The following SMIM35 variants were observed in gnomAD, a reference collection of about 807,000 sequenced individuals.
SMIM35 encodes small integral membrane protein 35.
chr11:118,034,633 G>A (rs559311082), intron 1 of SMIM35, among the ~76,000 whole-genome samples: 2 of 152,338 alleles, frequency 1.3e-5, no homozygotes, highest in African/African-American at 4.8e-5. Flanking sequence ...TCGCCTGGGA[G>A]GCAGAGGTTG....
chr11:118,014,319 A>AGGAAG (rs1014526731), intron 3 of SMIM35, among the ~76,000 whole-genome samples: 3 of 152,212 alleles, frequency 2.0e-5, no homozygotes, highest in African/African-American at 7.2e-5. Flanking sequence ...GAAGGAAGGA[A>AGGAAG]GGAAGGGAAG....
At chr11:118,033,137 T>G (rs2058331707) in intron 1 of SMIM35, among the ~76,000 whole-genome samples, 1 of 152,152 alleles carries the variant, frequency 6.6e-6, no homozygotes, top group Non-Finnish European at 1.5e-5. Flanking sequence ...TAGCAGAAAG[T>G]CTTTACCTGG....
chr11:118,029,110 A>G, intron 1 of SMIM35: 1 of 271,064 alleles, frequency 3.7e-6, no homozygotes, highest in South Asian at 3.8e-5. Flanking sequence ...CTTGAAGTAT[A>G]GCATAAATAA....
At chr11:118,017,954 G>C (rs1055257686) in intron 1 of SMIM35, among the ~76,000 whole-genome samples, 1 of 152,136 alleles carries the variant, frequency 6.6e-6, no homozygotes, top group African/African-American at 2.4e-5. Flanking sequence ...CTCCCACCAG[G>C]TCCTTCCCAC....
intron 1 of SMIM35, among the ~76,000 whole-genome samples, chr11:118,075,639 T>TTGC (rs973683650): frequency 1.3e-5 from 2 of 151,748 alleles, no homozygotes; most frequent in Non-Finnish European, 2.9e-5. Context: ...GGGGTTGTTG[T>TTGC]TGGAGAATTA....
chr11:118,015,586 T>TG (rs34573177), intron 2 of SMIM35, 107 bp downstream of exon 2: 39,996 of 398,326 alleles, frequency 0.1, 3,821 homozygotes, highest in East Asian at 0.42. Flanking sequence ...GAAATATTTT[T>TG]CATCCCACCA....
chr11:118,053,354 A>ACACACACAC (rs59308703), intron 1 of SMIM35, among the ~76,000 whole-genome samples: 2 of 141,064 alleles, frequency 1.4e-5, no homozygotes, highest in African/African-American at 5.2e-5. Context: ...ACACACACAC[A>ACACACACAC]AAGCTTACTA....
chr11:118,016,307 G>T (rs1487680748), intron 1 of SMIM35, among the ~76,000 whole-genome samples: 2 of 152,150 alleles, frequency 1.3e-5, no homozygotes, highest in African/African-American at 4.8e-5. Flanking sequence ...CCTTTTTGTG[G>T]TATGAGCTCT....
chr11:118,041,869 G>A (rs1944006527), intron 1 of SMIM35, among the ~76,000 whole-genome samples: 1 of 151,864 alleles, frequency 6.6e-6, no homozygotes, highest in African/African-American at 2.4e-5. Flanking sequence ...TGGCCAACAT[G>A]GTGAAACCCT....
chr11:118,066,041 G>A (rs370156908), intron 1 of SMIM35, among the ~76,000 whole-genome samples: 63 of 151,904 alleles, frequency 4.1e-4, no homozygotes, highest in African/African-American at 1.5e-3. Flanking sequence ...GGGAAGAGGG[G>A]GCTGCAGCCC....
intron 1 of SMIM35, among the ~76,000 whole-genome samples, chr11:118,032,377 A>G (rs1027457461): frequency 2.6e-5 from 4 of 152,216 alleles, no homozygotes; most frequent in Non-Finnish European, 4.4e-5. Context: ...ATAATTATAT[A>G]TGAAAAAGCA....
chr11:118,040,916 T>C (rs968118807), intron 1 of SMIM35, among the ~76,000 whole-genome samples: 4 of 151,848 alleles, frequency 2.6e-5, no homozygotes, highest in Non-Finnish European at 4.4e-5. Context: ...GTAACATTAA[T>C]AGATGTGACA....
chr11:118,067,336 A>G (rs900870378), intron 1 of SMIM35: 1 of 152,206 alleles, frequency 6.6e-6, no homozygotes, highest in Middle Eastern at 3.4e-3. Context: ...TCGGTTTGCT[A>G]TGCTCATCAG....
chr11:118,030,770 G>T (rs999582011), intron 1 of SMIM35, among the ~76,000 whole-genome samples: 2 of 152,132 alleles, frequency 1.3e-5, no homozygotes, highest in Non-Finnish European at 2.9e-5. Context: ...GCAGGATGAG[G>T]AGGGTTCTAG....
chr11:118,047,092 T>C (rs1283887125), intron 1 of SMIM35, among the ~76,000 whole-genome samples: 1 of 152,194 alleles, frequency 6.6e-6, no homozygotes, highest in East Asian at 1.9e-4. Context: ...GAATGAGTTT[T>C]AGGAGTAAAC....
At chr11:118,017,788 G>A (rs1256672732) in intron 1 of SMIM35, among the ~76,000 whole-genome samples, 1 of 152,176 alleles carries the variant, frequency 6.6e-6, no homozygotes, top group Non-Finnish European at 1.5e-5. Flanking sequence ...CAGGGTGGAA[G>A]GGGAAACAAA....
chr11:118,082,998 G>A (rs1411210001), intron 1 of SMIM35, among the ~76,000 whole-genome samples: 1 of 152,138 alleles, frequency 6.6e-6, no homozygotes, highest in Non-Finnish European at 1.5e-5. Context: ...AAACAGAGCT[G>A]CAGTGTTTGA....
At chr11:118,055,555 C>T (rs1944297355) in intron 1 of SMIM35, among the ~76,000 whole-genome samples, 1 of 152,112 alleles carries the variant, frequency 6.6e-6, no homozygotes, top group South Asian at 2.1e-4. Flanking sequence ...CTCCTGGGGT[C>T]CCCCACTACT....
chr11:118,075,795 T>C (rs543647639), intron 1 of SMIM35, among the ~76,000 whole-genome samples: 2 of 152,374 alleles, frequency 1.3e-5, no homozygotes, highest in East Asian at 3.9e-4. Flanking sequence ...TATGTGACTT[T>C]GGGTCATTGA....
Sources: allele counts gnomAD v4.1 joint callset (sites outside exome capture counted in the v4.1 genomes callset), GRCh38; gene constraint gnomAD v4.1.1; transcripts MANE v1.5; gene names NCBI Gene and HGNC (gene_info 2026-07-23, HGNC 2026-07-21).